STK3: variants seen among roughly 807,000 people sequenced by gnomAD.
The protein encoded by STK3 is serine/threonine-protein kinase 3.
STK3 carries 41 observed loss-of-function variants against 58.0 expected under a neutral mutation model. The observed-to-expected ratio is 0.71, with a 90% CI of 0.55 to 0.92. The LOEUF is 0.92. Among genes scored for constraint, STK3 ranks in the 40% least tolerant of loss-of-function variants. STK3 has a pLI of 0.00. For missense variants in STK3, 479 were observed against 602.7 expected (o/e 0.79, Z 2.15); for synonymous variants, 170 against 191.0 (o/e 0.89, Z 0.91).
At chr8:98,488,679 C>T (rs4388428) in intron 10 of STK3, among the ~76,000 whole-genome samples, 70,017 of 151,892 alleles carry the variant, frequency 0.46, 16,309 homozygotes, top group Admixed American at 0.55. Flanking sequence ...AAGGTAGATA[C>T]GTAGCTGCAG....
At chr8:98,695,727 C>A (rs1824853265) in intron 6 of STK3, among the ~76,000 whole-genome samples, 1 of 151,812 alleles carries the variant, frequency 6.6e-6, no homozygotes, top group Non-Finnish European at 1.5e-5. Context: ...GGTACCAGTA[C>A]CATGCTGTTT....
rs538005396 is a variant in STK3, at chr8:98,794,148, A to G, written c.27-19329T>C. ...GAACTAGAAACAAAAGAACAAACTA[A>G]CCATAAAGACAGCAGAAGAAATAAA... On this transcript the variant is annotated intron_variant, in intron 1 of 10. Coordinates refer to ENST00000419617, the MANE Select transcript of STK3 (RefSeq NM_006281.4). Among the ~76,000 whole-genome samples the G allele has an allele frequency of 2.0e-5, 3 of 152,290 alleles. No homozygotes were observed. In the East Asian group the frequency reaches 5.8e-4, roughly 29 times the overall value.
At chr8:98,909,020 G>A (rs948141227) in intron 1 of STK3, among the ~76,000 whole-genome samples, 1 of 152,014 alleles carries the variant, frequency 6.6e-6, no homozygotes, top group Non-Finnish European at 1.5e-5. Flanking sequence ...GCCAAGCATG[G>A]TGGTGCGTGC....
chr8:98,552,704 A>G (rs967386733), intron 8 of STK3, among the ~76,000 whole-genome samples: 1 of 152,118 alleles, frequency 6.6e-6, no homozygotes, highest in Non-Finnish European at 1.5e-5. Flanking sequence ...TTCACAGTCT[A>G]TATCTGGCCT....
rs1271756572 is a variant in STK3 at position 98,428,538 on chromosome 8, A to G, written n.483+5589T>C. ...CAACCCCGGCTACTCAGTGCTGAGC[A>G]GGGTCTTCAGCATCCTGTCCATCCT... On this transcript the variant is annotated intron_variant and non_coding_transcript_variant, in intron 3 of 3. Transcript: ENST00000517832. This position sits in a 1 kb window ranked among gnomAD's most constrained non-coding sequence, Gnocchi z 6.7. The G allele has an allele frequency of 1.2e-6, 2 of 1,614,058 alleles. No homozygotes were observed. Among genetic ancestry groups the G allele is most frequent in the Non-Finnish European group, 1.7e-6 (2 of 1,180,026 alleles).
At chr8:98,839,685 T>C (rs904582401) in intron 3 of STK3, among the ~76,000 whole-genome samples, 2 of 152,194 alleles carry the variant, frequency 1.3e-5, no homozygotes, top group African/African-American at 2.4e-5. Context: ...TGGAATACTT[T>C]TACGTGGTTA....
At chr8:98,506,221 T>A (rs1426191577) in intron 10 of STK3, among the ~76,000 whole-genome samples, 1 of 152,194 alleles carries the variant, frequency 6.6e-6, no homozygotes, top group East Asian at 1.9e-4. Context: ...TGGGATATAA[T>A]CTCCTGGTGT....
intron 8 of STK3, among the ~76,000 whole-genome samples, chr8:98,561,394 A>G (rs145601359): frequency 2.8e-4 from 42 of 152,238 alleles, no homozygotes; most frequent in Middle Eastern, 3.4e-3. Flanking sequence ...ATGCAAAACC[A>G]TAAAACCTAT....
At chr8:98,472,629 T>C (rs1341463305) in intron 10 of STK3, among the ~76,000 whole-genome samples, 1 of 152,182 alleles carries the variant, frequency 6.6e-6, no homozygotes, top group Non-Finnish European at 1.5e-5. Context: ...TGATAAGTCA[T>C]TTCCTTAAAT....
chr8:98,620,943 T>A (rs1023585117), intron 6 of STK3, among the ~76,000 whole-genome samples: 195 of 149,636 alleles, frequency 1.3e-3, no homozygotes, highest in Non-Finnish European at 2.3e-3. Context: ...TTTTTTTTTT[T>A]TTTTGAGACG....
intron 1 of STK3, among the ~76,000 whole-genome samples, chr8:98,778,383 G>A (rs1275212274): frequency 3.3e-5 from 5 of 151,464 alleles, no homozygotes; most frequent in Non-Finnish European, 4.4e-5. Context: ...GGAAACAACA[G>A]GTGCTGGAGA....
chr8:98,735,199 T>A (rs555850749), intron 4 of STK3, among the ~76,000 whole-genome samples: 2 of 152,252 alleles, frequency 1.3e-5, no homozygotes, highest in East Asian at 3.9e-4. Context: ...GCCAAAAAAT[T>A]GGCTGTTTCA....
intron 1 of STK3, among the ~76,000 whole-genome samples, chr8:98,940,555 G>T (rs1003958988): frequency 6.6e-6 from 1 of 152,154 alleles, no homozygotes; most frequent in Non-Finnish European, 1.5e-5. Flanking sequence ...CGGGTGGCGG[G>T]GTTCCTGCAG....
In STK3 at chr8:98,670,985, C is replaced by T. The variant is rs192215634; in HGVS notation, c.684+35482G>A. On this transcript the variant is annotated intron_variant, in intron 6 of 10. Transcript: ENST00000419617. ...ACACTGGAGTGCAAGCCAGATGCGG[C>T]CTGGCAGGCTGAGTAAATGGGGCAC... is the stretch of plus-strand genomic sequence containing the variant. 1.6e-4 allele frequency among the ~76,000 whole-genome samples: 24 copies of T among 152,276 alleles called. No individual in the cohort carries two copies. The East Asian group carries it at 4.4e-3, about 28-fold the overall frequency.
chr8:98,819,194 T>C (rs758900854), intron 1 of STK3, among the ~76,000 whole-genome samples: 12 of 152,118 alleles, frequency 7.9e-5, no homozygotes, highest in Non-Finnish European at 1.6e-4. Flanking sequence ...TCATGGCTCA[T>C]TGCAGCCTCA....
the STK3 span, among the ~76,000 whole-genome samples, chr8:98,357,364 CA>C: frequency 6.6e-6 from 1 of 152,172 alleles, no homozygotes. Context: ...CAAAAGAGAT[CA>C]AGCCTTGAAG....
At position 98,717,516 on chromosome 8, in the gene STK3, G is replaced by T. The variant is rs555440465; in HGVS notation, c.352-10205C>A. 3.9e-5 allele frequency among the ~76,000 whole-genome samples: 6 copies of T among 152,202 alleles called. No individual in the cohort carries two copies. In the East Asian group the frequency reaches 9.6e-4, roughly 24 times the overall value. On this transcript the variant is annotated intron_variant, in intron 4 of 10. Coordinates refer to ENST00000419617, the MANE Select transcript of STK3 (RefSeq NM_006281.4). ...ACGGCTATTATCAAAAGACAGAAAA[G>T]AACAAATGTTGGCAAAGAAGTAGAG...
chr8:98,712,672 C>A (rs1328797284), intron 4 of STK3, among the ~76,000 whole-genome samples: 1 of 152,006 alleles, frequency 6.6e-6, no homozygotes, highest in South Asian at 2.1e-4. Flanking sequence ...TAGACTCCCA[C>A]ACAATAATAA....
At chr8:98,583,865 G>A (rs1292707029) in intron 7 of STK3, among the ~76,000 whole-genome samples, 1 of 151,960 alleles carries the variant, frequency 6.6e-6, no homozygotes, top group African/African-American at 2.4e-5. Flanking sequence ...GTGTGTGTGT[G>A]TGTGTGTGTA....
Sources: allele counts gnomAD v4.1 joint callset (sites outside exome capture counted in the v4.1 genomes callset), GRCh38; gene constraint gnomAD v4.1.1; non-coding constraint Gnocchi (gnomAD v3.1); transcripts MANE v1.5; gene names NCBI Gene and HGNC (gene_info 2026-07-23, HGNC 2026-07-21).